The following CD5 variants were observed in gnomAD, a reference collection of about 807,000 sequenced individuals.
CD5 encodes CD5 molecule.
A neutral mutation model predicts 60.3 loss-of-function variants in CD5; 36 were observed. The observed-to-expected ratio is 0.60, with a 90% confidence interval of 0.46 to 0.79. CD5 has a LOEUF of 0.79. Among genes scored for constraint, CD5 ranks in the 30% least tolerant of loss-of-function variants. The pLI, the probability that CD5 is intolerant of heterozygous loss-of-function variation, is 0.00. For missense variants in CD5, 540 were observed against 630.6 expected (o/e 0.86, Z 1.54); for synonymous variants, 230 against 257.6 (o/e 0.89, Z 1.03).
At chr11:61,121,565 T>C in intron 5 of CD5, 46 bp from the exon 6 acceptor site, 2 of 1,388,778 alleles carry the variant, frequency 1.4e-6, no homozygotes, top group African/African-American at 2.9e-5. Flanking sequence ...GCACACAGGC[T>C]CAGGTTCACA....
chr11:61,099,501 TCA>T (rs529421174), upstream of CD5, among the ~76,000 whole-genome samples: 9 of 136,592 alleles, frequency 6.6e-5, no homozygotes, highest in South Asian at 2.3e-4. Flanking sequence ...AACATGGAGA[TCA>T]CACACACACA....
the CD5 span, among the ~76,000 whole-genome samples, chr11:61,095,933 G>A: frequency 3.3e-5 from 5 of 152,250 alleles, no homozygotes; most frequent in Non-Finnish European, 2.9e-5. Flanking sequence ...GAAAATTGCA[G>A]AAACAGGCTG....
chr11:61,114,314 T>C (rs1233307488), intron 1 of CD5, among the ~76,000 whole-genome samples: 2 of 152,054 alleles, frequency 1.3e-5, no homozygotes, highest in African/African-American at 4.8e-5. Flanking sequence ...AAAAAATTGA[T>C]GGCCTGAGTG....
chr11:61,123,812 T>TCCCCCCCCCCCCCCCCC, intron 7 of CD5, 72 bp from the exon 8 acceptor site: 2 of 339,974 alleles, frequency 5.9e-6, no homozygotes, highest in Non-Finnish European at 1.1e-5. Flanking sequence ...CCCAGCCCCA[T>TCCCCCCCCCCCCCCCCC]CCCCACCCCT....
chr11:61,094,000 C>G, the CD5 span, among the ~76,000 whole-genome samples: 1 of 152,090 alleles, frequency 6.6e-6, no homozygotes, highest in Admixed American at 6.6e-5. Context: ...AAACCCCTTC[C>G]TTCTTTAACT....
intron 7 of CD5, among the ~76,000 whole-genome samples, chr11:61,123,550 T>C (rs547421109): frequency 1.3e-5 from 2 of 152,102 alleles, no homozygotes; most frequent in African/African-American, 2.4e-5. Context: ...AGGGGAGAGA[T>C]TGGGAACAGA....
intron 5 of CD5, 71 bp from the exon 6 acceptor site, chr11:61,121,540 G>C: frequency 7.5e-7 from 1 of 1,341,386 alleles, no homozygotes; most frequent in Non-Finnish European, 9.7e-7. Context: ...CAGTGGCATG[G>C]GGCCCCAGGA....
chr11:61,124,005 C>A, intron 8 of CD5, 68 bp downstream of exon 8: 1 of 1,261,208 alleles, frequency 7.9e-7, no homozygotes, highest in Non-Finnish European at 1.2e-6. Flanking sequence ...AGAGTCGAGG[C>A]TCTCTGCTGA....
At chr11:61,107,761 G>T (rs1860797033) in intron 1 of CD5, among the ~76,000 whole-genome samples, 1 of 152,176 alleles carries the variant, frequency 6.6e-6, no homozygotes, top group Non-Finnish European at 1.5e-5. Context: ...GACTTTCATG[G>T]TGTCCAGAGG....
chr11:61,098,497 C>T (rs1401765883), upstream of CD5, among the ~76,000 whole-genome samples: 1 of 152,192 alleles, frequency 6.6e-6, no homozygotes, highest in Non-Finnish European at 1.5e-5. Flanking sequence ...CGGCACCACA[C>T]CTGGGCTTGG....
Position 61,119,473 on chromosome 11 carries a change from A to G in CD5, c.703A>G (p.Ile235Val), listed in dbSNP as rs145570293. Residue 235 changes from isoleucine to valine, a missense_variant, in exon 5 of 11, where the codon ATC (isoleucine) becomes GTC (valine). Transcript: ENST00000347785. ...GCCACGGGAACACCAGCCCTTGCCA[A>G]TCCAATGGAAGATCCAGAACTCAAG... ...GEPREHQPLP[I>V]QWKIQNSSCT... 1.2e-6 allele frequency: 2 copies of G among 1,614,184 alleles called. No homozygotes were observed. Among genetic ancestry groups the G allele is most frequent in the African/African-American group, 1.3e-5 (1 of 75,052 alleles).
intron 2 of CD5, among the ~76,000 whole-genome samples, chr11:61,117,074 C>T (rs561785052): frequency 2.6e-5 from 4 of 152,302 alleles, no homozygotes; most frequent in Non-Finnish European, 4.4e-5. Flanking sequence ...AGGCAAAACC[C>T]GGAAACAAAT....
intron 10 of CD5, 38 bp from the exon 11 acceptor site, chr11:61,126,250 G>A (rs556646347): frequency 1.9e-4 from 31 of 161,498 alleles, no homozygotes; most frequent in Non-Finnish European, 3.2e-4. Context: ...TCACCTCTGC[G>A]GTGTCTTCCT....
intron 6 of CD5, 65 bp downstream of exon 6, chr11:61,121,969 G>T: frequency 7.1e-7 from 1 of 1,399,348 alleles, no homozygotes; most frequent in East Asian, 2.5e-5. Flanking sequence ...ACCCGGTCAG[G>T]GTGCATGTCT....
upstream of CD5, among the ~76,000 whole-genome samples, chr11:61,100,273 AT>A (rs1860648886): frequency 2.1e-5 from 3 of 142,796 alleles, no homozygotes; most frequent in South Asian, 2.3e-4. Context: ...TCACACACAC[AT>A]CAACATGGAG....
At chr11:61,107,453 T>C (rs990426476) in intron 1 of CD5, among the ~76,000 whole-genome samples, 5 of 152,178 alleles carry the variant, frequency 3.3e-5, no homozygotes, top group Non-Finnish European at 7.4e-5. Flanking sequence ...CTCCAGAAGC[T>C]TTCAGATTGT....
At chr11:61,125,710 A>C in intron 9 of CD5, 41 bp from the exon 10 acceptor site, 1 of 1,448,730 alleles carries the variant, frequency 6.9e-7, no homozygotes, top group Non-Finnish European at 9.6e-7. Flanking sequence ...GGCTCTGTGG[A>C]GTCAAAAACC....
intron 1 of CD5, among the ~76,000 whole-genome samples, chr11:61,113,514 C>T (rs76800995): frequency 4.7e-4 from 72 of 152,368 alleles, no homozygotes; most frequent in African/African-American, 1.7e-3. Flanking sequence ...GCTGGCTACA[C>T]TACTGTGGGC....
At chr11:61,103,864 G>A (rs1860739655) in intron 1 of CD5, among the ~76,000 whole-genome samples, 1 of 114,662 alleles carries the variant, frequency 8.7e-6, no homozygotes, top group African/African-American at 3.7e-5. Flanking sequence ...GTGAGTCTGT[G>A]TGTGAGTCTG....
Sources: gnomAD v4.1 joint callset for allele counts (sites outside exome capture counted in the v4.1 genomes callset) on GRCh38, gnomAD v4.1.1 for gene constraint, MANE v1.5 for transcripts, NCBI Gene and HGNC (gene_info 2026-07-23, HGNC 2026-07-21) for gene names.